RTKN2: variants seen among roughly 807,000 people sequenced by gnomAD.
RTKN2 encodes the protein rhotekin-2.
A neutral mutation model predicts 71.5 loss-of-function variants in RTKN2; 69 were observed. The ratio of observed to expected loss-of-function variants is 0.96; its 90% CI spans 0.79 to 1.18. The LOEUF (loss-of-function observed/expected upper bound fraction) is 1.18. Ranked by LOEUF, RTKN2 falls within the 50% of genes most tolerant of loss-of-function variation. The pLI is 0.00. For synonymous variants in RTKN2, 236 were observed against 236.5 expected (o/e 1.00, Z 0.02); for missense variants, 724 against 719.7 (o/e 1.01, Z -0.07).
chr10:62,268,661 G>GA lies in RTKN2; in HGVS notation c.-52dup. On this transcript the variant is annotated 5_prime_UTR_variant, in exon 1 of 12. Coordinates refer to ENST00000373789, the MANE Select transcript of RTKN2 (RefSeq NM_145307.4). ...CGCCACTCCTTCAAAGGGAAGATTT[G>GA]AAAAGCCCGCCCCTGGCAGGAGCCG... 6.5e-7 allele frequency: 1 copy of GA among 1,530,074 alleles called. No homozygotes were observed. The allele number at this position is 1,530,074 out of a possible 1,614,324, so 94.8% of individuals were successfully genotyped here. A position where few individuals can be genotyped will look rare whatever the true frequency, so the allele number is the denominator to read the frequency against.
At chr10:62,268,324 C>T (rs1264580293) in intron 1 of RTKN2, among the ~76,000 whole-genome samples, 1 of 152,240 alleles carries the variant, frequency 6.6e-6, no homozygotes, top group African/African-American at 2.4e-5. Context: ...ACCCCGGCAC[C>T]GCCTTCCCAA....
intron 9 of RTKN2, among the ~76,000 whole-genome samples, chr10:62,212,941 A>G (rs981927918): frequency 4.8e-4 from 73 of 152,168 alleles, no homozygotes; most frequent in African/African-American, 1.7e-3. Flanking sequence ...ACTCCAATAT[A>G]TATTACCAAT....
chr10:62,263,753 T>C (rs1040427895), intron 1 of RTKN2, among the ~76,000 whole-genome samples: 1 of 152,202 alleles, frequency 6.6e-6, no homozygotes, highest in Non-Finnish European at 1.5e-5. Context: ...TCAGAAGCCT[T>C]AGCTATCTGG....
At chr10:62,266,613 T>G (rs1842873181) in intron 1 of RTKN2, among the ~76,000 whole-genome samples, 1 of 152,230 alleles carries the variant, frequency 6.6e-6, no homozygotes. Context: ...ATAGTATTAC[T>G]TTTTGAATTT....
Position 62,193,746 on chromosome 10 carries a change from G to A in RTKN2, c.*4162C>T, listed in dbSNP as rs759284726. The A allele has an allele frequency of 9.1e-5, 90 of 985,046 alleles. No homozygotes were observed. Among genetic ancestry groups the A allele is most frequent in the Non-Finnish European group, 1.1e-4 (88 of 829,806 alleles). The allele number at this position is 985,046 out of a possible 1,614,324, so 61.0% of individuals were successfully genotyped here. On this transcript the variant is annotated 3_prime_UTR_variant, in exon 12 of 12. Coordinates refer to ENST00000373789, the MANE Select transcript of RTKN2 (RefSeq NM_145307.4). ...ATTTACTGCAGTGGCTTAAGCTCTG[G>A]GGAAATTCTGGATCACTAAACTAAA...
At chr10:62,211,304 G>A (rs1468587945) in intron 9 of RTKN2, among the ~76,000 whole-genome samples, 1 of 152,122 alleles carries the variant, frequency 6.6e-6, no homozygotes, top group Non-Finnish European at 1.5e-5. Context: ...ATTGACAATG[G>A]GAGGGGAATA....
Position 62,194,190 on chromosome 10 carries a change from C to T in RTKN2, c.*3718G>A. 1.0e-6 allele frequency: 1 copy of T among 983,274 alleles called. No individual in the cohort carries two copies. Among genetic ancestry groups the T allele is most frequent in the South Asian group, 4.7e-5 (1 of 21,250 alleles). 60.9% of individuals were successfully genotyped at this position (983,274 alleles called of 1,614,324 possible). On this transcript the variant is annotated 3_prime_UTR_variant, in exon 12 of 12. Transcript: ENST00000373789. ...ACAAGCATGTCAGAAAATCAACACACCCTAATATATTTTCAAATGATGACT... is the reference window on the plus strand; with the variant it reads ...ACAAGCATGTCAGAAAATCAACACATCCTAATATATTTTCAAATGATGACT...
Position 62,193,815 on chromosome 10 carries a change from A to G in RTKN2, c.*4093T>C. On this transcript the variant is annotated 3_prime_UTR_variant, in exon 12 of 12. Transcript: ENST00000373789. ...GATTTTTAAAAGAGTATACTTTAAG[A>G]AGGATTATATGTAAACATTTTAATA... 1.0e-6 allele frequency: 1 copy of G among 978,238 alleles called. No individual in the cohort carries two copies. The highest frequency in any genetic ancestry group is 1.2e-6 in the Non-Finnish European group (1 of 823,434). 60.6% of individuals were successfully genotyped at this position (978,238 alleles called of 1,614,324 possible).
chr10:62,225,626 C>T (rs990415647), intron 6 of RTKN2, among the ~76,000 whole-genome samples: 10 of 152,150 alleles, frequency 6.6e-5, no homozygotes, highest in Admixed American at 5.2e-4. Context: ...CTTCATTACA[C>T]TCATTCCATT....
intron 8 of RTKN2, among the ~76,000 whole-genome samples, chr10:62,217,652 A>G (rs975604144): frequency 2.6e-5 from 4 of 152,232 alleles, no homozygotes. Context: ...CTGTTCTCAG[A>G]GCATCGGAAA....
chr10:62,188,063 G>T (rs7918014), intron 8 of RTKN2, among the ~76,000 whole-genome samples: 2,357 of 152,216 alleles, frequency 0.015, 52 homozygotes, highest in African/African-American at 0.054. Context: ...GCTTTTTAAG[G>T]TATCAATTAC....
chr10:62,228,950 A>T (rs1203252859), intron 6 of RTKN2, among the ~76,000 whole-genome samples: 1 of 152,228 alleles, frequency 6.6e-6, no homozygotes, highest in African/African-American at 2.4e-5. Context: ...TGAAATACTT[A>T]CCTTGAAGAG....
intron 10 of RTKN2, among the ~76,000 whole-genome samples, chr10:62,200,616 CAT>C (rs1841423161): frequency 6.6e-6 from 1 of 151,514 alleles, no homozygotes; most frequent in Non-Finnish European, 1.5e-5. Context: ...TAGAAAAAAA[CAT>C]AAAGGAGTGA....
At chr10:62,253,897 T>C (rs1842626031) in intron 2 of RTKN2, among the ~76,000 whole-genome samples, 1 of 152,110 alleles carries the variant, frequency 6.6e-6, no homozygotes, top group South Asian at 2.1e-4. Flanking sequence ...AAACCTCCAC[T>C]GTATAGTTCT....
intron 2 of RTKN2, among the ~76,000 whole-genome samples, chr10:62,248,836 A>C (rs1016568372): frequency 2.0e-5 from 3 of 152,172 alleles, no homozygotes; most frequent in Non-Finnish European, 4.4e-5. Context: ...GCCAAAATTA[A>C]CAAGTTATAA....
chr10:62,259,045 G>C (rs1464488118), intron 2 of RTKN2, among the ~76,000 whole-genome samples: 1 of 152,152 alleles, frequency 6.6e-6, no homozygotes, highest in Non-Finnish European at 1.5e-5. Context: ...TGTGTCATGG[G>C]AGGGACCATC....
rs1841319156 is a variant in RTKN2 at position 62,195,816 on chromosome 10, G to T, written c.*2092C>A. The T allele has an allele frequency of 1.0e-6, 1 of 985,486 alleles. No homozygotes were observed. The allele number at this position is 985,486 out of a possible 1,614,324, so 61.0% of individuals were successfully genotyped here. ...AAGAGACCGAATAATTTGGTGGGGA[G>T]GGGGTGGTGGTCCTTGCTCAGGCTT... On this transcript the variant is annotated 3_prime_UTR_variant, in exon 12 of 12. Transcript: ENST00000373789.
intron 5 of RTKN2, 40 bp from the exon 6 acceptor site, chr10:62,236,303 A>T (rs372549888): frequency 3.8e-5 from 49 of 1,302,918 alleles, no homozygotes; most frequent in Non-Finnish European, 6.5e-6. Context: ...AATTTAACTC[A>T]GTAGAAAATA....
intron 8 of RTKN2, among the ~76,000 whole-genome samples, chr10:62,187,470 CCTTTT>C (rs1446475460): frequency 2.0e-5 from 3 of 152,062 alleles, no homozygotes; most frequent in African/African-American, 7.2e-5. Context: ...CCTCTCCTTT[CCTTTT>C]GTGTACTGAA....
Sources: gnomAD v4.1 joint callset for allele counts (sites outside exome capture counted in the v4.1 genomes callset) on GRCh38, gnomAD v4.1.1 for gene constraint, MANE v1.5 for transcripts, NCBI Gene and HGNC (gene_info 2026-07-23, HGNC 2026-07-21) for gene names.